The following UTS2B variants were observed in gnomAD, a reference collection of about 807,000 sequenced individuals.
UTS2B encodes the protein urotensin 2B.
Under a neutral mutation model 19.2 loss-of-function variants are expected in UTS2B, and 21 were observed. The ratio of observed to expected loss-of-function variants is 1.09; its 90% CI spans 0.78 to 1.58. The LOEUF is 1.58. Ranked by LOEUF, UTS2B falls within the 40% of genes most tolerant of loss-of-function variation. The pLI is 0.00. For synonymous variants in UTS2B, 57 were observed against 50.2 expected (o/e 1.14, Z -0.58); for missense variants, 138 against 130.3 (o/e 1.06, Z -0.29).
chr3:191,330,296 A>AACACACACACACACAC (rs3048670), intron 1 of UTS2B, 118 bp downstream of exon 1: 1 of 137,030 alleles, frequency 7.3e-6, no homozygotes, highest in Non-Finnish European at 1.6e-5. Flanking sequence ...TTACAAACAA[A>AACACACACACACACAC]ACACACACAC....
chr3:191,297,619 C>T lies in UTS2B; in HGVS notation c.-125+6873G>A, dbSNP rs533187733. Reference sequence around the variant, plus strand: ...GTAATTAAGTCAAAGTGTAGGTCTCCCTCTAAATTCTGGGTGGCCTGAGGA... The same window carrying T: ...GTAATTAAGTCAAAGTGTAGGTCTCTCTCTAAATTCTGGGTGGCCTGAGGA... On this transcript the variant is annotated intron_variant, in intron 4 of 8. Transcript: ENST00000340524. 1.6e-4 allele frequency among the ~76,000 whole-genome samples: 23 copies of T among 139,756 alleles called. No homozygotes were observed. In the East Asian group the frequency reaches 5.0e-3, roughly 30 times the overall value. 91.7% of individuals were successfully genotyped at this position (139,756 alleles called of 152,430 possible). A position where few individuals can be genotyped will look rare whatever the true frequency, so the allele number is the denominator to read the frequency against.
intron 4 of UTS2B, among the ~76,000 whole-genome samples, chr3:191,302,606 T>C (rs1717033376): frequency 1.3e-5 from 2 of 152,222 alleles, no homozygotes; most frequent in Admixed American, 1.3e-4. Flanking sequence ...CCTGCCTGTA[T>C]ATGATTGTTT....
At chr3:191,283,716 T>G (rs921227478) in intron 4 of UTS2B, among the ~76,000 whole-genome samples, 11 of 152,160 alleles carry the variant, frequency 7.2e-5, no homozygotes, top group African/African-American at 2.7e-4. Context: ...CCCCTTAAAC[T>G]TTACATCCAG....
chr3:191,293,731 T>C (rs13078168), intron 4 of UTS2B, among the ~76,000 whole-genome samples: 58,599 of 151,388 alleles, frequency 0.39, 11,955 homozygotes, highest in East Asian at 0.64. Flanking sequence ...AACATAAACA[T>C]GCTATAATGT....
At chr3:191,293,536 T>A (rs1056994470) in intron 4 of UTS2B, among the ~76,000 whole-genome samples, 1 of 151,434 alleles carries the variant, frequency 6.6e-6, no homozygotes, top group Non-Finnish European at 1.5e-5. Context: ...ATTCATAATA[T>A]TCCTTTGTAA....
At chr3:191,335,297 A>AT (rs1214899331), upstream of UTS2B, among the ~76,000 whole-genome samples, 2 of 152,216 alleles carry the variant, frequency 1.3e-5, no homozygotes, top group East Asian at 3.8e-4. Context: ...GAAAACAAAC[A>AT]TTCAAACAAC....
intron 2 of UTS2B, among the ~76,000 whole-genome samples, chr3:191,320,034 T>C (rs1044598044): frequency 1.3e-5 from 2 of 152,158 alleles, no homozygotes; most frequent in African/African-American, 4.8e-5. Context: ...GTCAACACTA[T>C]TCTATGTACT....
intron 3 of UTS2B, 104 bp downstream of exon 3, chr3:191,315,932 T>C (rs908708400): frequency 6.6e-6 from 1 of 152,270 alleles, no homozygotes. Context: ...GGTTATCTAT[T>C]GCTGCATAAT....
At chr3:191,302,497 C>G (rs1717030945) in intron 4 of UTS2B, among the ~76,000 whole-genome samples, 2 of 152,214 alleles carry the variant, frequency 1.3e-5, no homozygotes, top group Admixed American at 6.5e-5. Flanking sequence ...TTGGCTCACT[C>G]TTGAATTCCT....
intron 8 of UTS2B, among the ~76,000 whole-genome samples, chr3:191,269,515 T>C (rs2108564344): frequency 6.6e-6 from 1 of 151,430 alleles, no homozygotes; most frequent in East Asian, 1.9e-4. Context: ...TTTTTTTTTT[T>C]CTTTTTAAAA....
chr3:191,329,765 C>T (rs1717886275), intron 1 of UTS2B: 2 of 1,589,352 alleles, frequency 1.3e-6, no homozygotes, highest in Non-Finnish European at 8.6e-7. Flanking sequence ...CCTCCCCTCT[C>T]CCAGCCCGAG....
At chr3:191,302,625 T>C (rs570599047) in intron 4 of UTS2B, among the ~76,000 whole-genome samples, 1 of 152,364 alleles carries the variant, frequency 6.6e-6, no homozygotes, top group Non-Finnish European at 1.5e-5. Flanking sequence ...TTAGCTGAGC[T>C]GTTCGTTAAG....
At chr3:191,287,131 G>C (rs1716566036) in intron 4 of UTS2B, among the ~76,000 whole-genome samples, 1 of 151,968 alleles carries the variant, frequency 6.6e-6, no homozygotes, top group Admixed American at 6.6e-5. Context: ...TCCCATCAAA[G>C]AAAAGCCCAG....
chr3:191,328,055 A>T (rs1289600806), intron 2 of UTS2B, among the ~76,000 whole-genome samples: 1 of 152,242 alleles, frequency 6.6e-6, no homozygotes, highest in Non-Finnish European at 1.5e-5. Context: ...TTATTTGAAC[A>T]TATAAAAAAC....
chr3:191,325,052 G>GA lies in UTS2B; in HGVS notation c.-586+3578dup, dbSNP rs1299848167. Among the ~76,000 whole-genome samples, 189 of 134,532 alleles carry GA rather than the reference G, an allele frequency of 1.4e-3. 1 individual carries two copies. Among genetic ancestry groups the GA allele is most frequent in the African/African-American group, 4.6e-3 (177 of 38,590 alleles). 88.3% of individuals were successfully genotyped at this position (134,532 alleles called of 152,430 possible). A position where few individuals can be genotyped will look rare whatever the true frequency, so the allele number is the denominator to read the frequency against. On this transcript the variant is annotated intron_variant, in intron 2 of 8. Coordinates refer to ENST00000340524, the MANE Select transcript of UTS2B (RefSeq NM_198152.5). ...GTGACACAGTGAGACTCCATCTCAGGAAAAAAAAATAATATTAATAAGGAA... is the reference window on the plus strand; with the variant it reads ...GTGACACAGTGAGACTCCATCTCAGGAAAAAAAAAATAATATTAATAAGGAA...
chr3:191,275,662 A>T (rs576086227), intron 7 of UTS2B, among the ~76,000 whole-genome samples: 7 of 151,870 alleles, frequency 4.6e-5, no homozygotes, highest in Non-Finnish European at 8.8e-5. Flanking sequence ...CCAGGGCAAC[A>T]GAGCAAGACT....
At chr3:191,269,607 T>C (rs545630657) in intron 8 of UTS2B, among the ~76,000 whole-genome samples, 2 of 152,136 alleles carry the variant, frequency 1.3e-5, no homozygotes, top group South Asian at 2.1e-4. Context: ...CAGCTTCAAG[T>C]GATTCTCTAA....
intron 8 of UTS2B, among the ~76,000 whole-genome samples, chr3:191,272,469 C>T (rs1384655153): frequency 6.6e-6 from 1 of 152,176 alleles, no homozygotes; most frequent in Non-Finnish European, 1.5e-5. Flanking sequence ...ATTTAGTTTG[C>T]TGTTGATTGC....
upstream of UTS2B, among the ~76,000 whole-genome samples, chr3:191,333,596 G>A (rs1281549428): frequency 2.0e-5 from 3 of 152,120 alleles, no homozygotes; most frequent in Non-Finnish European, 4.4e-5. Flanking sequence ...GAGCTAGGAG[G>A]TTTATGTCTT....
Sources: gnomAD v4.1 joint callset for allele counts (sites outside exome capture counted in the v4.1 genomes callset) on GRCh38, gnomAD v4.1.1 for gene constraint, MANE v1.5 for transcripts, NCBI Gene and HGNC (gene_info 2026-07-23, HGNC 2026-07-21) for gene names.